NEGR1: variants seen among roughly 807,000 people sequenced by gnomAD.
NEGR1 encodes neuronal growth regulator 1.
Under a neutral mutation model 40.9 loss-of-function variants are expected in NEGR1, and 10 were observed. The ratio of observed to expected loss-of-function variants is 0.24; its 90% CI spans 0.15 to 0.42. NEGR1 has a LOEUF of 0.42. Among genes scored for constraint, NEGR1 ranks in the 10% least tolerant of loss-of-function variants. The pLI is 1.00. For synonymous variants in NEGR1, 185 were observed against 166.8 expected (o/e 1.11, Z -0.84); for missense variants, 352 against 438.9 (o/e 0.80, Z 1.77).
intron 4 of NEGR1, among the ~76,000 whole-genome samples, chr1:71,619,977 T>C (rs1000288637): frequency 2.6e-5 from 4 of 152,026 alleles, no homozygotes; most frequent in Non-Finnish European, 4.4e-5. Context: ...GTAGAGAGTA[T>C]TATTATTATT....
intron 2 of NEGR1, among the ~76,000 whole-genome samples, chr1:71,786,409 C>A (rs1157616853): frequency 6.6e-6 from 1 of 152,142 alleles, no homozygotes; most frequent in Non-Finnish European, 1.5e-5. Context: ...ATAGTGATCC[C>A]TTCTCAACAC....
At chr1:71,854,855 C>A (rs1659713541) in intron 2 of NEGR1, among the ~76,000 whole-genome samples, 1 of 152,098 alleles carries the variant, frequency 6.6e-6, no homozygotes. Context: ...AGGTCCGTCC[C>A]AGGACACATG....
At chr1:71,774,082 A>T (rs1656420588) in intron 3 of NEGR1, among the ~76,000 whole-genome samples, 1 of 152,232 alleles carries the variant, frequency 6.6e-6, no homozygotes, top group African/African-American at 2.4e-5. Context: ...TTACATATTA[A>T]GTTTTACTTT....
intron 6 of NEGR1, among the ~76,000 whole-genome samples, chr1:71,482,072 A>G (rs1027002020): frequency 2.6e-5 from 4 of 151,792 alleles, no homozygotes; most frequent in African/African-American, 7.2e-5. Context: ...GTCTTTTGAT[A>G]TTGATGAAAC....
chr1:71,401,913 T>C lies in NEGR1; in HGVS notation c.*5533A>G, dbSNP rs1036673933. ...CACGTTTCCAAAGTTTTAGATGACA[T>C]GTACAATCTGATTAGCCTTTAAATC... On this transcript the variant is annotated 3_prime_UTR_variant, in exon 7 of 7. Coordinates refer to ENST00000357731, the MANE Select transcript of NEGR1 (RefSeq NM_173808.3). 6.6e-6 allele frequency: 1 copy of C among 152,172 alleles called. No homozygotes were observed. The highest frequency in any genetic ancestry group is 2.4e-5 in the African/African-American group (1 of 41,436). 9.4% of individuals were successfully genotyped at this position (152,172 alleles called of 1,614,324 possible).
At chr1:71,764,985 C>A (rs2101704717) in intron 3 of NEGR1, among the ~76,000 whole-genome samples, 1 of 151,870 alleles carries the variant, frequency 6.6e-6, no homozygotes, top group East Asian at 1.9e-4. Context: ...AGTGGTTGGA[C>A]CGAGAAGAAG....
intron 1 of NEGR1, among the ~76,000 whole-genome samples, chr1:72,252,819 A>G (rs1007322827): frequency 6.6e-6 from 1 of 152,222 alleles, no homozygotes; most frequent in Non-Finnish European, 1.5e-5. Context: ...ATATAAATTT[A>G]TGGATCTAAT....
intron 1 of NEGR1, among the ~76,000 whole-genome samples, chr1:72,181,708 G>C (rs1298825661): frequency 1.3e-5 from 2 of 152,116 alleles, no homozygotes; most frequent in Non-Finnish European, 2.9e-5. Context: ...TAAAGAATGT[G>C]TAAAAGAAAG....
intron 2 of NEGR1, among the ~76,000 whole-genome samples, chr1:71,903,879 A>G (rs1229153556): frequency 6.6e-6 from 1 of 151,822 alleles, no homozygotes; most frequent in Non-Finnish European, 1.5e-5. Flanking sequence ...AGATGAATGG[A>G]TGTTATAAAT....
chr1:72,170,817 C>A (rs1452947214), intron 1 of NEGR1, among the ~76,000 whole-genome samples: 3 of 152,130 alleles, frequency 2.0e-5, no homozygotes, highest in Admixed American at 6.6e-5. Flanking sequence ...CTTAGATGTG[C>A]AGTCCTTTAA....
At chr1:71,492,658 T>A (rs1646937545) in intron 6 of NEGR1, among the ~76,000 whole-genome samples, 1 of 152,120 alleles carries the variant, frequency 6.6e-6, no homozygotes, top group Non-Finnish European at 1.5e-5. Flanking sequence ...AATAACTGTA[T>A]GAAAATATTT....
intron 4 of NEGR1, among the ~76,000 whole-genome samples, chr1:71,631,225 A>G (rs965207806): frequency 6.6e-6 from 1 of 151,664 alleles, no homozygotes; most frequent in Admixed American, 6.6e-5. Context: ...AGCTCATTTC[A>G]AAAATATTTA....
chr1:71,633,749 G>A (rs998918071), intron 4 of NEGR1, among the ~76,000 whole-genome samples: 14 of 152,064 alleles, frequency 9.2e-5, no homozygotes, highest in African/African-American at 2.4e-4. Flanking sequence ...TGGCCCCTTC[G>A]CTTTCTTTTC....
chr1:71,923,354 TACAC>T (rs55873773), intron 2 of NEGR1, among the ~76,000 whole-genome samples: 6 of 148,000 alleles, frequency 4.1e-5, no homozygotes, highest in Admixed American at 1.3e-4. Context: ...TGGACAGCGA[TACAC>T]ACACACACAC....
intron 2 of NEGR1, among the ~76,000 whole-genome samples, chr1:71,788,824 GA>G (rs1657005415): frequency 6.6e-6 from 1 of 151,962 alleles, no homozygotes; most frequent in Non-Finnish European, 1.5e-5. Flanking sequence ...CATTTGGTTA[GA>G]AAATGTTTGT....
At chr1:71,785,442 G>T (rs757618207) in intron 2 of NEGR1, among the ~76,000 whole-genome samples, 11 of 147,548 alleles carry the variant, frequency 7.5e-5, no homozygotes, top group African/African-American at 1.2e-4. Context: ...TAATAATGAG[G>T]TTTTTTTTTT....
At chr1:71,469,842 T>C (rs1468970153) in intron 6 of NEGR1, among the ~76,000 whole-genome samples, 1 of 152,124 alleles carries the variant, frequency 6.6e-6, no homozygotes, top group Non-Finnish European at 1.5e-5. Context: ...CAGTAATCAC[T>C]GTATACAAAA....
At chr1:72,141,841 G>T (rs529233337) in intron 1 of NEGR1, among the ~76,000 whole-genome samples, 1 of 152,032 alleles carries the variant, frequency 6.6e-6, no homozygotes, top group South Asian at 2.1e-4. Context: ...TGTCTAGTAT[G>T]GTAGGGGTTT....
At chr1:72,221,422 A>C (rs1654008367) in intron 1 of NEGR1, among the ~76,000 whole-genome samples, 1 of 152,154 alleles carries the variant, frequency 6.6e-6, no homozygotes. Context: ...ATGATTGTCA[A>C]TTAATTTTAA....
Sources: gnomAD v4.1 joint callset for allele counts (sites outside exome capture counted in the v4.1 genomes callset) on GRCh38, gnomAD v4.1.1 for gene constraint, MANE v1.5 for transcripts, NCBI Gene and HGNC (gene_info 2026-07-23, HGNC 2026-07-21) for gene names.